RALGAPA1: variants seen among roughly 807,000 people sequenced by gnomAD.
The protein encoded by RALGAPA1 is ral GTPase-activating protein subunit alpha-1.
A neutral mutation model predicts 269.6 loss-of-function variants in RALGAPA1; 52 were observed. The observed-to-expected ratio is 0.19, with a 90% CI of 0.15 to 0.24. RALGAPA1 has a LOEUF of 0.24. RALGAPA1 is among the 10% of genes least tolerant of loss of function. The pLI is 1.00. For missense variants in RALGAPA1, 1,917 were observed against 3,013.9 expected (o/e 0.64, Z 8.52); for synonymous variants, 817 against 1,008.3 (o/e 0.81, Z 3.60).
At chr14:35,697,512 G>GT (rs904861728) in intron 17 of RALGAPA1, among the ~76,000 whole-genome samples, 9 of 151,692 alleles carry the variant, frequency 5.9e-5, no homozygotes, top group African/African-American at 1.7e-4. Context: ...AGCCTGGCTA[G>GT]TTTTTTTGTA....
At chr14:35,805,133 A>G (rs1255038345) in intron 1 of RALGAPA1, among the ~76,000 whole-genome samples, 2 of 149,828 alleles carry the variant, frequency 1.3e-5, no homozygotes, top group Admixed American at 6.7e-5. Flanking sequence ...TAGGAATACA[A>G]AAAAAAAAGG....
rs1451334941 is a variant in RALGAPA1, at chr14:35,672,740, T to C, written c.5073+127A>G. On this transcript the variant is annotated intron_variant, in intron 25 of 41. Transcript: ENST00000680220. The stretch of plus-strand genomic sequence containing the variant: ...GGTCATAAAATTGAAGTAAATTGTA[T>C]ATAAATCACTAAATAAGGGGGAGAG... The C allele has an allele frequency of 6.9e-6, 6 of 875,400 alleles. No homozygotes were observed. In the African/African-American group the frequency reaches 1.1e-4, roughly 16 times the overall value. 54.2% of individuals were successfully genotyped at this position (875,400 alleles called of 1,614,324 possible).
intron 27 of RALGAPA1, among the ~76,000 whole-genome samples, chr14:35,661,884 TAAAC>T (rs60881954): frequency 0.018 from 2,758 of 152,182 alleles, 82 homozygotes; most frequent in African/African-American, 0.063. Flanking sequence ...GAGAGATTTG[TAAAC>T]AAACAATTAA....
In RALGAPA1 at chr14:35,574,965, T is replaced by C. The variant is rs373985848; in HGVS notation, c.7210-2247A>G. Among the ~76,000 whole-genome samples, 10 of 151,750 alleles carry C rather than the reference T, an allele frequency of 6.6e-5. No homozygotes were observed. The East Asian group carries it at 1.7e-3, about 26-fold the overall frequency. On this transcript the variant is annotated intron_variant, in intron 37 of 41. Transcript: ENST00000680220. ...CAACATGGTGAAACCCCATCTCTAC[T>C]AAAAATACAAAAATTAGACAGGTGT...
Position 35,761,134 on chromosome 14 carries a change from G to T in RALGAPA1, c.370-128C>A, listed in dbSNP as rs1479187388. 4 of 584,230 alleles carry T rather than the reference G, an allele frequency of 6.8e-6. No homozygotes were observed. In the East Asian group the frequency reaches 1.1e-4, roughly 17 times the overall value. The allele number at this position is 584,230 out of a possible 1,614,324, so 36.2% of individuals were successfully genotyped here. ...CGAGAGGCAGGGTAGGGAAGGAAGG[G>T]GAAGTTGAGGAGAAGAGAGACAGCA... On this transcript the variant is annotated intron_variant, in intron 5 of 41. Coordinates refer to ENST00000680220, the MANE Select transcript of RALGAPA1 (RefSeq NM_001346249.2).
intron 35 of RALGAPA1, among the ~76,000 whole-genome samples, chr14:35,612,984 T>A (rs1339168451): frequency 6.6e-6 from 1 of 152,230 alleles, no homozygotes; most frequent in South Asian, 2.1e-4. Context: ...AGAAAAAAAT[T>A]GCAAATCATA....
At chr14:35,776,613 G>C (rs2075049510) in intron 1 of RALGAPA1, among the ~76,000 whole-genome samples, 1 of 152,094 alleles carries the variant, frequency 6.6e-6, no homozygotes, top group Admixed American at 6.5e-5. Context: ...GTATATGGCA[G>C]TTTAGAAACA....
chr14:35,626,789 T>C (rs764722452), intron 34 of RALGAPA1, among the ~76,000 whole-genome samples: 4 of 151,748 alleles, frequency 2.6e-5, no homozygotes, highest in Non-Finnish European at 5.9e-5. Context: ...AATAATCATA[T>C]TGCAGTTTCT....
chr14:35,665,747 A>G (rs1233828562), intron 26 of RALGAPA1, among the ~76,000 whole-genome samples: 2 of 152,232 alleles, frequency 1.3e-5, no homozygotes, highest in Non-Finnish European at 2.9e-5. Context: ...TATAAAAATG[A>G]AACTGATCTT....
intron 41 of RALGAPA1, among the ~76,000 whole-genome samples, chr14:35,541,392 A>C (rs1221681810): frequency 6.6e-6 from 1 of 152,174 alleles, no homozygotes; most frequent in African/African-American, 2.4e-5. Context: ...TTAAGAAAAA[A>C]TATATGTTTC....
At chr14:35,679,995 A>G (rs1323732276) in intron 21 of RALGAPA1, among the ~76,000 whole-genome samples, 1 of 152,190 alleles carries the variant, frequency 6.6e-6, no homozygotes, top group Non-Finnish European at 1.5e-5. Flanking sequence ...AAGGACAGTT[A>G]CAGAAACTTA....
At position 35,557,532 on chromosome 14, in the gene RALGAPA1, G is replaced by T. The variant is rs183772892; in HGVS notation, c.7497-8298C>A. ...AAGCAGTACATTGGCTTAAACTAAT[G>T]CACTATATGCCCCCAGGGAATGATA... On this transcript the variant is annotated intron_variant, in intron 39 of 41. Coordinates refer to ENST00000680220, the MANE Select transcript of RALGAPA1 (RefSeq NM_001346249.2). Among the ~76,000 whole-genome samples, 503 of 152,228 alleles carry T rather than the reference G, an allele frequency of 3.3e-3. 4 individuals carry two copies. Among genetic ancestry groups the T allele is most frequent in the African/African-American group, 0.011 (477 of 41,554 alleles).
intron 4 of RALGAPA1, chr14:35,766,397 G>C (rs2074152405): frequency 6.4e-7 from 1 of 1,556,382 alleles, no homozygotes; most frequent in South Asian, 1.1e-5. Context: ...ATCTTGTACT[G>C]GAATTATCAA....
chr14:35,629,976 T>TAA (rs201545517), intron 33 of RALGAPA1, among the ~76,000 whole-genome samples: 1 of 150,614 alleles, frequency 6.6e-6, no homozygotes, highest in African/African-American at 2.4e-5. Flanking sequence ...AACCTAACTT[T>TAA]AAAAAAAAAG....
chr14:35,621,663 A>G (rs1455262865), intron 35 of RALGAPA1, among the ~76,000 whole-genome samples: 2 of 152,214 alleles, frequency 1.3e-5, no homozygotes, highest in South Asian at 4.1e-4. Context: ...AAACAAATTT[A>G]CAAGAAAAAA....
Position 35,688,525 on chromosome 14 carries a change from G to A in RALGAPA1, c.3886C>T (p.Pro1296Ser). ...AGATCCCTCAGTGGAGCCTCTGGTG[G>A]CATTCTGTTCTGCCTCTGTGGGGAA... is the stretch of plus-strand genomic sequence containing the variant. ...NVSPQRQNRM[P>S]PEAPLRDLYS... is the part of the protein sequence containing the mutation. Residue 1296 changes from proline (P) to serine (S), a missense_variant, in exon 18 of 42, where the codon CCA becomes TCA. By Grantham distance (74) the Pro-to-Ser change is moderately conservative (BLOSUM62 -1). Coordinates refer to ENST00000680220, the MANE Select transcript of RALGAPA1 (RefSeq NM_001346249.2). 2 of 1,536,102 alleles carry A rather than the reference G, an allele frequency of 1.3e-6. No homozygotes were observed. The highest frequency in any genetic ancestry group is 1.7e-6 in the Non-Finnish European group (2 of 1,146,890).
At chr14:35,774,530 C>T (rs2074875165) in intron 3 of RALGAPA1, among the ~76,000 whole-genome samples, 1 of 151,470 alleles carries the variant, frequency 6.6e-6, no homozygotes, top group African/African-American at 2.4e-5. Context: ...AAAGACTTGC[C>T]CCATTTCCAA....
intron 4 of RALGAPA1, among the ~76,000 whole-genome samples, chr14:35,768,048 T>G (rs1315873441): frequency 6.6e-6 from 1 of 151,904 alleles, no homozygotes; most frequent in African/African-American, 2.4e-5. Context: ...GTGCTGGGAT[T>G]ATAGGCATGA....
chr14:35,582,705 T>C (rs886660058), intron 37 of RALGAPA1, among the ~76,000 whole-genome samples: 2 of 152,184 alleles, frequency 1.3e-5, no homozygotes, highest in African/African-American at 4.8e-5. Context: ...AATATCCTCT[T>C]GCTTTATGGA....
Sources: gnomAD v4.1 joint callset for allele counts (sites outside exome capture counted in the v4.1 genomes callset) on GRCh38, gnomAD v4.1.1 for gene constraint, MANE v1.5 for transcripts, NCBI Gene and HGNC (gene_info 2026-07-23, HGNC 2026-07-21) for gene names.